Variants in RREB1 observed in about 807,000 individuals in gnomAD.
RREB1 encodes the protein ras responsive element binding protein 1.
Under a neutral mutation model 117.8 loss-of-function variants are expected in RREB1, and 27 were observed. The ratio of observed to expected loss-of-function variants is 0.23; its 90% CI spans 0.17 to 0.32. The LOEUF (loss-of-function observed/expected upper bound fraction) is 0.32. RREB1 is among the 10% of genes least tolerant of loss of function. The pLI is 1.00. For missense variants in RREB1, 2,577 were observed against 2,378.2 expected (o/e 1.08, Z -1.74); for synonymous variants, 1,298 against 1,026.7 (o/e 1.26, Z -5.05).
At chr6:7,200,374 A>G (rs1268036507) in intron 6 of RREB1, among the ~76,000 whole-genome samples, 6 of 151,114 alleles carry the variant, frequency 4.0e-5, no homozygotes, top group African/African-American at 1.5e-4. Flanking sequence ...GGTTCAAGCA[A>G]TTCTCCTGCT....
intron 6 of RREB1, among the ~76,000 whole-genome samples, chr6:7,208,692 G>T (rs1260072980): frequency 1.3e-5 from 2 of 152,228 alleles, no homozygotes; most frequent in Non-Finnish European, 2.9e-5. Flanking sequence ...CTAAGCCAGA[G>T]GCTCTGCAGT....
At chr6:7,215,057 A>G (rs946089950) in intron 8 of RREB1, 1 of 153,654 alleles carries the variant, frequency 6.5e-6, no homozygotes, top group Non-Finnish European at 1.4e-5. Flanking sequence ...GGCTCCCCAG[A>G]TGAGGGAGAG....
chr6:7,226,922 G>A (rs12215454), intron 9 of RREB1, among the ~76,000 whole-genome samples: 5,818 of 152,200 alleles, frequency 0.038, 160 homozygotes, highest in Non-Finnish European at 0.056. Context: ...CCTTTTGTCC[G>A]TTCTTGGGTC....
intron 4 of RREB1, chr6:7,185,194 G>A (rs1004910871): frequency 1.3e-5 from 2 of 152,328 alleles, no homozygotes; most frequent in African/African-American, 2.4e-5. Context: ...GGATGTTCAT[G>A]TTTTGTAGAA....
intron 6 of RREB1, 126 bp from the exon 7 acceptor site, chr6:7,210,678 A>G: frequency 1.4e-6 from 1 of 727,540 alleles, no homozygotes; most frequent in Non-Finnish European, 2.2e-6. Flanking sequence ...GTCACTGTAT[A>G]AATTATACCT....
intron 1 of RREB1, among the ~76,000 whole-genome samples, chr6:7,151,429 G>A (rs533397999): frequency 6.6e-6 from 1 of 152,308 alleles, no homozygotes; most frequent in East Asian, 1.9e-4. Context: ...CTACAAACCA[G>A]CCCCCAGGAG....
intron 8 of RREB1, chr6:7,214,877 C>G (rs1247473995): frequency 6.6e-6 from 1 of 152,252 alleles, no homozygotes; most frequent in Non-Finnish European, 1.5e-5. Context: ...AATCCAAACT[C>G]ATATAAATCT....
chr6:7,246,461 C>T lies in RREB1; in HGVS notation c.4011C>T (p.Gly1337=). Reference sequence around the variant, plus strand: ...ATGCGGAGACTGCAGCCGCCGCGGGCGAAGTGCTAGACCTCACCTCACGGG... The same window carrying T: ...ATGCGGAGACTGCAGCCGCCGCGGGTGAAGTGCTAGACCTCACCTCACGGG... The part of the protein sequence containing the change: ...QSDAETAAAA[G]EVLDLTSRDR... The change falls in exon 12 of 13, where the codon GGC becomes GGT. Residue 1337 remains glycine (G), a synonymous_variant. Transcript: ENST00000379938. 1.3e-6 allele frequency: 2 copies of T among 1,513,172 alleles called. No homozygotes were observed. The highest frequency in any genetic ancestry group is 1.8e-6 in the Non-Finnish European group (2 of 1,126,782). 93.7% of individuals were successfully genotyped at this position (1,513,172 alleles called of 1,614,324 possible). A position where few individuals can be genotyped will look rare whatever the true frequency, so the allele number is the denominator to read the frequency against.
At chr6:7,180,990 C>G (rs1307094568) in intron 2 of RREB1, 134 bp from the exon 3 acceptor site, 1 of 390,208 alleles carries the variant, frequency 2.6e-6, no homozygotes, top group Non-Finnish European at 4.5e-6. Flanking sequence ...GAAAGAAAGG[C>G]AGACATTGCC....
intron 8 of RREB1, chr6:7,212,045 A>C (rs1323511126): frequency 9.9e-6 from 3 of 304,310 alleles, no homozygotes; most frequent in Admixed American, 9.3e-5. Context: ...AGATGTTGCA[A>C]CTCAAATGAC....
At chr6:7,157,212 G>A (rs1258448626) in intron 1 of RREB1, among the ~76,000 whole-genome samples, 1 of 152,106 alleles carries the variant, frequency 6.6e-6, no homozygotes, top group African/African-American at 2.4e-5. Flanking sequence ...CAGGCAGATG[G>A]CTTGAGTTCA....
intron 8 of RREB1, 72 bp downstream of exon 8, chr6:7,211,781 G>A (rs1766623427): frequency 2.7e-6 from 4 of 1,495,180 alleles, no homozygotes; most frequent in South Asian, 2.3e-5. Flanking sequence ...CTTAAGTCCC[G>A]TTACTCCACA....
intron 4 of RREB1, chr6:7,183,926 C>T (rs1463107380): frequency 6.6e-6 from 1 of 152,136 alleles, no homozygotes; most frequent in Non-Finnish European, 1.5e-5. Flanking sequence ...TAGCCACAGC[C>T]GGATGCTGAC....
At chr6:7,131,570 A>G (rs1258481984) in intron 1 of RREB1, among the ~76,000 whole-genome samples, 1 of 152,214 alleles carries the variant, frequency 6.6e-6, no homozygotes, top group African/African-American at 2.4e-5. Flanking sequence ...GGGAGTCTGA[A>G]TTCAAACCCA....
chr6:7,176,429 G>A (rs1457364713), intron 1 of RREB1, among the ~76,000 whole-genome samples: 1 of 152,154 alleles, frequency 6.6e-6, no homozygotes, highest in African/African-American at 2.4e-5. Context: ...CTGGGGGATA[G>A]GGGTGTTCCT....
chr6:7,165,145 G>T (rs1368803673), intron 1 of RREB1, among the ~76,000 whole-genome samples: 1 of 152,212 alleles, frequency 6.6e-6, no homozygotes, highest in African/African-American at 2.4e-5. Flanking sequence ...GAGCTGCAAT[G>T]GATGCCGGGT....
At chr6:7,132,802 T>C (rs1267176914) in intron 1 of RREB1, among the ~76,000 whole-genome samples, 1 of 143,276 alleles carries the variant, frequency 7.0e-6, no homozygotes, top group Admixed American at 7.2e-5. Context: ...CCGTGTCTGG[T>C]ATACAATGTC....
chr6:7,117,847 G>C (rs1761483462), intron 1 of RREB1, among the ~76,000 whole-genome samples: 1 of 152,118 alleles, frequency 6.6e-6, no homozygotes, highest in Admixed American at 6.6e-5. Context: ...AAAGTGTTGA[G>C]ATTACAGGTA....
In RREB1 at chr6:7,173,915, T is replaced by C. The variant is rs115270266; in HGVS notation, c.-284-2740T>C. ...CCTGGAGACCTGCCCCTTAATCTTC[T>C]GTTTCTGGCTTTACATAGCATTGTC... On this transcript the variant is annotated intron_variant, in intron 1 of 12. Transcript: ENST00000379938. Among the ~76,000 whole-genome samples the C allele has an allele frequency of 3.5e-3, 540 of 152,322 alleles. 4 individuals are homozygous for C. Among genetic ancestry groups the C allele is most frequent in the African/African-American group, 0.012 (510 of 41,568 alleles).
Sources: gnomAD v4.1 joint callset for allele counts (sites outside exome capture counted in the v4.1 genomes callset) on GRCh38, gnomAD v4.1.1 for gene constraint, MANE v1.5 for transcripts, NCBI Gene and HGNC (gene_info 2026-07-23, HGNC 2026-07-21) for gene names.